AARSD1: variants seen among roughly 807,000 people sequenced by gnomAD.
AARSD1 encodes the protein alanyl-tRNA editing protein Aarsd1.
AARSD1 carries 44 observed loss-of-function variants against 48.7 expected under a neutral mutation model. That is an observed-to-expected ratio of 0.90 (90% CI 0.71 to 1.16). AARSD1 has a LOEUF of 1.16. Among genes scored for constraint, AARSD1 ranks in the 50% most tolerant of loss-of-function variants. The pLI is 0.00. For synonymous variants in AARSD1, 189 were observed against 194.9 expected (o/e 0.97, Z 0.25); for missense variants, 511 against 523.1 (o/e 0.98, Z 0.23).
In AARSD1 at chr17:42,964,254, G is replaced by C. The variant is rs747908457; in HGVS notation, c.40-17C>G. The C allele has an allele frequency of 6.3e-7, 1 of 1,583,166 alleles. No individual in the cohort carries two copies. Among genetic ancestry groups the C allele is most frequent in the Admixed American group, 1.8e-5 (1 of 55,312 alleles). On this transcript the variant is annotated splice_polypyrimidine_tract_variant and intron_variant, in intron 1 of 11. Transcript: ENST00000427569. ...GGTGGTGAACTGAACAGAGAGGAAT[G>C]AGAGAATAAGCCCCGACCCCAGCCC...
rs2049594008 is a variant in AARSD1 at position 42,958,909 on chromosome 17, T to C, written c.332-1714A>G. Among the ~76,000 whole-genome samples the C allele has an allele frequency of 2.0e-5, 3 of 151,110 alleles. 1 individual carries two copies. In the South Asian group the frequency reaches 6.3e-4, roughly 32 times the overall value. ...GTTTACATTTCCACTTTAACTTATA[T>C]TTATTTATGCCAGGTGCGGTGGCTC... On this transcript the variant is annotated intron_variant, in intron 3 of 11. Transcript: ENST00000427569.
chr17:42,952,050 C>T (rs1267497141), intron 10 of AARSD1, 156 bp from the exon 11 acceptor site: 5 of 794,918 alleles, frequency 6.3e-6, no homozygotes, highest in African/African-American at 1.7e-5. Flanking sequence ...TCCACACTGG[C>T]CCACGAGGGC....
chr17:42,959,030 C>T (rs2049595773), intron 3 of AARSD1, among the ~76,000 whole-genome samples: 2 of 148,368 alleles, frequency 1.3e-5, no homozygotes, highest in South Asian at 4.4e-4. Context: ...ACCCCCATCT[C>T]TACTAAAAAT....
chr17:42,952,135 G>T, intron 10 of AARSD1: 1 of 512,414 alleles, frequency 2.0e-6, no homozygotes, highest in Non-Finnish European at 3.5e-6. Context: ...GCTGATCCTG[G>T]CTAAGCAGAA....
intron 3 of AARSD1, among the ~76,000 whole-genome samples, chr17:42,958,320 G>A (rs968187908): frequency 6.6e-6 from 1 of 151,996 alleles, no homozygotes; most frequent in Non-Finnish European, 1.5e-5. Flanking sequence ...AAACAACGTG[G>A]TGAAACCTCG....
At chr17:42,959,216 A>AT (rs2049599021) in intron 3 of AARSD1, among the ~76,000 whole-genome samples, 1 of 150,846 alleles carries the variant, frequency 6.6e-6, no homozygotes, top group Non-Finnish European at 1.5e-5. Context: ...AAAAAAAAAA[A>AT]AAAGTTATAT....
intron 3 of AARSD1, among the ~76,000 whole-genome samples, chr17:42,958,085 G>C (rs1396946127): frequency 1.3e-5 from 2 of 152,190 alleles, no homozygotes; most frequent in African/African-American, 4.8e-5. Flanking sequence ...GGCTACAGCA[G>C]TAGACAAGAG....
chr17:42,953,473 G>C (rs1419891128), intron 10 of AARSD1, among the ~76,000 whole-genome samples: 1 of 152,180 alleles, frequency 6.6e-6, no homozygotes, highest in Non-Finnish European at 1.5e-5. Flanking sequence ...TGAGGAGCTA[G>C]AGCTCTGATG....
At chr17:42,960,722 A>G (rs1442669757) in intron 3 of AARSD1, among the ~76,000 whole-genome samples, 2 of 125,350 alleles carry the variant, frequency 1.6e-5, no homozygotes, top group African/African-American at 3.7e-5. Flanking sequence ...ACTCTGTGTC[A>G]AAAAAAAAAA....
At chr17:42,954,730 G>T in intron 9 of AARSD1, 146 bp downstream of exon 9, 1 of 886,646 alleles carries the variant, frequency 1.1e-6, no homozygotes, top group Non-Finnish European at 1.7e-6. Context: ...ACCGCGCCCG[G>T]CCAGTAACAT....
At chr17:42,962,847 A>G (rs548003777) in intron 2 of AARSD1, among the ~76,000 whole-genome samples, 2 of 152,292 alleles carry the variant, frequency 1.3e-5, no homozygotes, top group East Asian at 3.9e-4. Flanking sequence ...CCTGGGCAAT[A>G]AAGTGAGACC....
Position 42,954,910 on chromosome 17 carries a change from T to A in AARSD1, c.919A>T (p.Ser307Cys), listed in dbSNP as rs1229668521. ...AVHIAHSLRN[S>C]PDWGGVVILH... ...ATGACCACACCTCCCCAGTCTGGAC[T>A]GTTCCTGAGGCTATGGGCAATGTGC... is the stretch of plus-strand genomic sequence containing the variant. Residue 307 changes from serine (S) to cysteine (C), a missense_variant, in exon 9 of 12, where the codon AGT (serine) becomes TGT (cysteine). Coordinates refer to ENST00000427569, the MANE Select transcript of AARSD1 (RefSeq NM_001261434.2). 1.2e-6 allele frequency: 2 copies of A among 1,614,044 alleles called. No homozygotes were observed.
At chr17:42,954,276 G>A (rs7216722) in intron 9 of AARSD1, among the ~76,000 whole-genome samples, 142,439 of 152,104 alleles carry the variant, frequency 0.94, 67,416 homozygotes, top group East Asian at 1. Flanking sequence ...GAACCGCTTG[G>A]ACCCAGGAGG....
intron 6 of AARSD1, 107 bp downstream of exon 6, chr17:42,956,097 T>C: frequency 6.2e-7 from 1 of 1,607,218 alleles, no homozygotes; most frequent in Non-Finnish European, 8.5e-7. Context: ...GAAGGGGAGA[T>C]TTCACTTAGG....
rs768151998 is a variant in AARSD1 at position 42,954,833 on chromosome 17, C to A, written c.953+43G>T. ...TAGAGAAGACACTGAGCCCTAAGCC[C>A]AACACAGTTCCCCTTCCTTGTGTCC... On this transcript the variant is annotated intron_variant, in intron 9 of 11. Coordinates refer to ENST00000427569, the MANE Select transcript of AARSD1 (RefSeq NM_001261434.2). 7.5e-6 allele frequency: 12 copies of A among 1,606,840 alleles called. No individual in the cohort carries two copies. The South Asian group carries it at 1.1e-4, about 15-fold the overall frequency.
intron 10 of AARSD1, 52 bp from the exon 11 acceptor site, chr17:42,951,946 AC>A (rs1159861225): frequency 1.3e-6 from 2 of 1,585,896 alleles, no homozygotes; most frequent in Non-Finnish European, 1.7e-6. Flanking sequence ...TGTAGAGTCA[AC>A]CCCCCAAATC....
intron 7 of AARSD1, 175 bp from the exon 8 acceptor site, chr17:42,955,399 T>A: frequency 1.4e-6 from 1 of 703,794 alleles, no homozygotes; most frequent in Admixed American, 3.0e-5. Flanking sequence ...AATTAACCAC[T>A]TTTCGTGGTT....
chr17:42,952,002 C>G (rs1453501895), intron 10 of AARSD1, 108 bp from the exon 11 acceptor site: 12 of 1,249,042 alleles, frequency 9.6e-6, no homozygotes, highest in Non-Finnish European at 1.2e-5. Flanking sequence ...CCCCCTAAAC[C>G]ACCAAGTGAC....
At chr17:42,964,076 G>A (rs762765338) in intron 2 of AARSD1, 30 bp downstream of exon 2, 2 of 1,613,452 alleles carry the variant, frequency 1.2e-6, no homozygotes, top group South Asian at 2.2e-5. Flanking sequence ...AAGAAACTGG[G>A]GGCTTCCTGG....
Sources: gnomAD v4.1 joint callset for allele counts (sites outside exome capture counted in the v4.1 genomes callset) on GRCh38, gnomAD v4.1.1 for gene constraint, MANE v1.5 for transcripts, NCBI Gene and HGNC (gene_info 2026-07-23, HGNC 2026-07-21) for gene names.